WDHD1: variants seen among roughly 807,000 people sequenced by gnomAD.
WDHD1 encodes WD repeat and HMG-box DNA binding protein 1, also known as WD repeat and HMG-box DNA-binding protein 1.
WDHD1 carries 111 observed loss-of-function variants against 135.4 expected under a neutral mutation model. The observed-to-expected ratio is 0.82, with a 90% confidence interval of 0.70 to 0.96. WDHD1 has a LOEUF of 0.96. Ranked by LOEUF, WDHD1 falls within the 40% of genes least tolerant of loss-of-function variation. The probability of loss-of-function intolerance (pLI) is 0.00; values close to 1 mark genes in which losing one functional copy is unlikely to be tolerated. For missense variants in WDHD1, 1,351 were observed against 1,336.3 expected (o/e 1.01, Z -0.17); for synonymous variants, 434 against 439.0 (o/e 0.99, Z 0.14).
chr14:54,997,991 CA>C (rs1323160785), intron 10 of WDHD1, among the ~76,000 whole-genome samples: 3 of 151,692 alleles, frequency 2.0e-5, no homozygotes, highest in African/African-American at 7.3e-5. Context: ...GTGGGTGGAT[CA>C]CCTGAGGTCA....
At position 55,000,776 on chromosome 14, in the gene WDHD1, A is replaced by T. The variant is rs566088773; in HGVS notation, c.800+110T>A. On this transcript the variant is annotated intron_variant, in intron 9 of 25. Transcript: ENST00000360586. ...ATTTATAAATAATATAAATTTAATT[A>T]TACTTTCATTCTGACAATCTGATGG... 9.1e-6 allele frequency: 10 copies of T among 1,094,958 alleles called. No individual in the cohort carries two copies. The South Asian group carries it at 2.5e-4, about 28-fold the overall frequency. The allele number at this position is 1,094,958 out of a possible 1,614,324, so 67.8% of individuals were successfully genotyped here.
intron 24 of WDHD1, among the ~76,000 whole-genome samples, chr14:54,949,068 A>G (rs2040987820): frequency 6.6e-6 from 1 of 152,222 alleles, no homozygotes; most frequent in East Asian, 1.9e-4. Context: ...AGAGCAAAAA[A>G]GCTGAAAATT....
At chr14:55,003,280 C>T (rs149777970) in intron 7 of WDHD1, among the ~76,000 whole-genome samples, 51 of 152,086 alleles carry the variant, frequency 3.4e-4, no homozygotes, top group African/African-American at 1.1e-3. Flanking sequence ...GAGGCTGAGA[C>T]AGGCAGATCA....
chr14:54,957,669 G>T, intron 21 of WDHD1, 34 bp from the exon 22 acceptor site: 1 of 1,564,376 alleles, frequency 6.4e-7, no homozygotes, highest in Non-Finnish European at 8.7e-7. Flanking sequence ...CTTAATAATG[G>T]TAGAAAATAG....
At chr14:55,003,233 G>C (rs772756905) in intron 7 of WDHD1, among the ~76,000 whole-genome samples, 7 of 152,030 alleles carry the variant, frequency 4.6e-5, no homozygotes, top group Non-Finnish European at 7.4e-5. Flanking sequence ...ACATGGGCTG[G>C]GTGTGGTAGC....
At chr14:54,955,718 G>C in intron 23 of WDHD1, 24 bp from the exon 24 acceptor site, 1 of 1,488,138 alleles carries the variant, frequency 6.7e-7, no homozygotes, top group South Asian at 1.4e-5. Context: ...CATGAATACT[G>C]CAATAACATC....
chr14:54,984,691 A>G (rs1437620415), intron 15 of WDHD1, 32 bp downstream of exon 15: 1 of 1,576,494 alleles, frequency 6.3e-7, no homozygotes, highest in East Asian at 2.2e-5. Flanking sequence ...ACTTTATATT[A>G]TACTTGTTTT....
intron 16 of WDHD1, among the ~76,000 whole-genome samples, chr14:54,973,215 T>C (rs943973369): frequency 6.6e-6 from 1 of 152,198 alleles, no homozygotes; most frequent in Admixed American, 6.5e-5. Flanking sequence ...ACTTAATTTA[T>C]AGTATAGCCT....
At chr14:54,976,606 T>C (rs1218402614) in intron 16 of WDHD1, among the ~76,000 whole-genome samples, 1 of 152,190 alleles carries the variant, frequency 6.6e-6, no homozygotes, top group Non-Finnish European at 1.5e-5. Flanking sequence ...TGTACCGCTA[T>C]CCACAGAAAG....
intron 14 of WDHD1, among the ~76,000 whole-genome samples, chr14:54,986,215 T>C (rs891147381): frequency 2.0e-5 from 3 of 152,180 alleles, no homozygotes; most frequent in Non-Finnish European, 2.9e-5. Flanking sequence ...TTTTAAAAAA[T>C]GAAATAAAAA....
intron 10 of WDHD1, among the ~76,000 whole-genome samples, chr14:54,999,556 C>G (rs941299019): frequency 6.6e-6 from 1 of 152,174 alleles, no homozygotes; most frequent in African/African-American, 2.4e-5. Flanking sequence ...TTTTGAGAAG[C>G]TGAAGTGAGT....
intron 12 of WDHD1, among the ~76,000 whole-genome samples, chr14:54,990,803 C>G (rs997341016): frequency 6.6e-6 from 1 of 152,140 alleles, no homozygotes; most frequent in South Asian, 2.1e-4. Context: ...CTTTTCCCCC[C>G]ATAGTACTTG....
chr14:54,974,716 A>G (rs1386540717), intron 16 of WDHD1, among the ~76,000 whole-genome samples: 1 of 152,114 alleles, frequency 6.6e-6, no homozygotes, highest in East Asian at 1.9e-4. Context: ...AATCTCAGCT[A>G]CTTGGGAGGC....
intron 1 of WDHD1, 83 bp downstream of exon 1, chr14:55,026,945 A>G: frequency 1.4e-6 from 1 of 713,254 alleles, no homozygotes; most frequent in Non-Finnish European, 2.4e-6. Context: ...CAGCGGGATA[A>G]GGCAGAGGGT....
intron 16 of WDHD1, among the ~76,000 whole-genome samples, chr14:54,977,912 GA>G (rs11365009): frequency 0.96 from 135,134 of 141,370 alleles, 64,704 homozygotes; most frequent in Non-Finnish European, 0.99. Flanking sequence ...GGGTTGTGTG[GA>G]AAAAAAAAAA....
At chr14:55,008,797 C>A in intron 4 of WDHD1, 78 bp from the exon 5 acceptor site, 32 of 745,832 alleles carry the variant, frequency 4.3e-5, no homozygotes, top group Non-Finnish European at 5.8e-5. Context: ...CCAAATATTT[C>A]TTTTTTTTTT....
chr14:54,983,021 A>C (rs980927734), intron 15 of WDHD1, among the ~76,000 whole-genome samples: 5 of 151,974 alleles, frequency 3.3e-5, no homozygotes, highest in Admixed American at 2.0e-4. Flanking sequence ...AACATTAGCC[A>C]GGCGTGGTGG....
intron 25 of WDHD1, among the ~76,000 whole-genome samples, chr14:54,943,134 T>A (rs1347071227): frequency 6.6e-6 from 1 of 152,160 alleles, no homozygotes; most frequent in Non-Finnish European, 1.5e-5. Flanking sequence ...ACCTGAGGAT[T>A]TAACTGGTAC....
rs140425226 is a variant in WDHD1 at position 54,965,721 on chromosome 14, C to T, written c.2310+754G>A. ...CTGTGATCCCAGCACTTTCGGAGGC[C>T]GAGGCAGGTGAATTACCTGAGGTCA... On this transcript the variant is annotated intron_variant, in intron 18 of 25. Transcript: ENST00000360586. Among the ~76,000 whole-genome samples, 555 of 151,650 alleles carry T rather than the reference C, an allele frequency of 3.7e-3. 4 individuals are homozygous for T. Among genetic ancestry groups the T allele is most frequent in the African/African-American group, 0.012 (512 of 41,380 alleles).
Sources: gnomAD v4.1 joint callset for allele counts (sites outside exome capture counted in the v4.1 genomes callset) on GRCh38, gnomAD v4.1.1 for gene constraint, MANE v1.5 for transcripts, NCBI Gene and HGNC (gene_info 2026-07-23, HGNC 2026-07-21) for gene names.